C3orf70: variants seen among roughly 807,000 people sequenced by gnomAD.
C3orf70 encodes chromosome 3 open reading frame 70.
C3orf70 carries 15 observed loss-of-function variants against 20.7 expected under a neutral mutation model. That is an observed-to-expected ratio of 0.72 (90% confidence interval 0.48 to 1.11). The LOEUF (loss-of-function observed/expected upper bound fraction) is 1.11. Among genes scored for constraint, C3orf70 ranks in the 50% most tolerant of loss-of-function variants. C3orf70 has a pLI of 0.00. For synonymous variants in C3orf70, 161 were observed against 125.7 expected (o/e 1.28, Z -1.88); for missense variants, 332 against 317.6 (o/e 1.05, Z -0.34).
intron 1 of C3orf70, among the ~76,000 whole-genome samples, chr3:185,123,790 T>C (rs1379835408): frequency 6.6e-6 from 1 of 152,218 alleles, no homozygotes; most frequent in Non-Finnish European, 1.5e-5. Context: ...TATTCTGTCA[T>C]GTTTTTACAT....
chr3:185,135,394 G>A lies in C3orf70; in HGVS notation c.196+17234C>T, dbSNP rs115559583. On this transcript the variant is annotated intron_variant, in intron 1 of 1. Transcript: ENST00000335012. Reference sequence around the variant, plus strand: ...CCAGCATTTTGGGAGGCTGAGGCAGGCAGAAAACCTGAGGCCAGGAGTTCA... The same window carrying A: ...CCAGCATTTTGGGAGGCTGAGGCAGACAGAAAACCTGAGGCCAGGAGTTCA... Among the ~76,000 whole-genome samples the A allele has an allele frequency of 7.2e-3, 1,097 of 152,260 alleles. 19 individuals carry two copies. Among genetic ancestry groups the A allele is most frequent in the African/African-American group, 0.025 (1,052 of 41,532 alleles).
At position 185,152,808 on chromosome 3, in the gene C3orf70, A is replaced by G; in HGVS notation, c.16T>C (p.Ser6Pro). The G allele has an allele frequency of 3.2e-6, 5 of 1,562,706 alleles. No individual in the cohort carries two copies. The highest frequency in any genetic ancestry group is 4.3e-6 in the Non-Finnish European group (5 of 1,152,834). Residue 6 changes from serine to proline, a missense_variant, in exon 1 of 2, where the codon TCG (serine) becomes CCG (proline). Transcript: ENST00000335012. ...TTCCAACCCCGCTCCGACGCCGGCG[A>G]GGCCGCCGCACTCATTTCCTCTCCC... MSAAA[S>P]PASERGWKSE... is the part of the protein sequence containing the mutation.
chr3:185,100,916 C>T (rs1289626994), intron 1 of C3orf70, among the ~76,000 whole-genome samples: 2 of 152,138 alleles, frequency 1.3e-5, no homozygotes, highest in African/African-American at 4.8e-5. Flanking sequence ...CACCTCTACA[C>T]ACATAAACTA....
In C3orf70 at chr3:185,152,810, G is replaced by T. The variant is rs768924649; in HGVS notation, c.14C>A (p.Ala5Asp). 1.9e-5 allele frequency: 29 copies of T among 1,560,472 alleles called. No homozygotes were observed. Among genetic ancestry groups the T allele is most frequent in the South Asian group, 5.8e-5 (5 of 86,244 alleles). Residue 5 changes from alanine to aspartate, a missense_variant, in exon 1 of 2, where the codon GCC becomes GAC. By Grantham distance (126) the Ala-to-Asp change is moderately radical (BLOSUM62 -2). Coordinates refer to ENST00000335012, the MANE Select transcript of C3orf70 (RefSeq NM_001025266.3). MSAA[A>D]SPASERGWKS... is the part of the protein sequence containing the mutation. ...CCAACCCCGCTCCGACGCCGGCGAG[G>T]CCGCCGCACTCATTTCCTCTCCCTC...
intron 1 of C3orf70, among the ~76,000 whole-genome samples, chr3:185,095,345 A>C (rs114958010): frequency 0.011 from 1,661 of 152,316 alleles, 37 homozygotes; most frequent in African/African-American, 0.039. Flanking sequence ...GAACACGATG[A>C]TTCTCGTGTA....
chr3:185,146,890 C>T (rs1716888354), intron 1 of C3orf70, among the ~76,000 whole-genome samples: 1 of 152,218 alleles, frequency 6.6e-6, no homozygotes, highest in South Asian at 2.1e-4. Context: ...AAAGTCCTGA[C>T]AGTTGAACCC....
intron 1 of C3orf70, among the ~76,000 whole-genome samples, chr3:185,127,129 C>T (rs1577330441): frequency 6.6e-6 from 1 of 152,026 alleles, no homozygotes; most frequent in Non-Finnish European, 1.5e-5. Flanking sequence ...CTTTTATATG[C>T]CTGAATATCA....
chr3:185,077,779 T>C lies in C3orf70; in HGVS notation c.*5228A>G, dbSNP rs896774369. Among the ~76,000 whole-genome samples the C allele has an allele frequency of 2.9e-5, 3 of 102,956 alleles. No individual in the cohort carries two copies. The highest frequency in any genetic ancestry group is 1.2e-4 in the African/African-American group (3 of 24,194). The allele number at this position is 102,956 out of a possible 152,430, so 67.5% of individuals were successfully genotyped here. ...TAACTGCGTGTGAAATAAATGCTAT[T>C]TGGTGGTGGTGGGGGGGGGGTATCA... On this transcript the variant is annotated 3_prime_UTR_variant, in exon 2 of 2. Coordinates refer to ENST00000335012, the MANE Select transcript of C3orf70 (RefSeq NM_001025266.3).
chr3:185,147,559 G>A (rs1343207590), intron 1 of C3orf70, among the ~76,000 whole-genome samples: 1 of 152,062 alleles, frequency 6.6e-6, no homozygotes, highest in South Asian at 2.1e-4. Flanking sequence ...GTGTAGAATC[G>A]AACAGAGCTA....
At chr3:185,084,182 CA>C (rs61480469) in intron 1 of C3orf70, among the ~76,000 whole-genome samples, 10 of 112,138 alleles carry the variant, frequency 8.9e-5, no homozygotes, top group Non-Finnish European at 9.4e-5. Context: ...GACCCTGTCT[CA>C]AAAAAAAAAA....
chr3:185,118,331 T>C (rs919047828), intron 1 of C3orf70, among the ~76,000 whole-genome samples: 1 of 152,250 alleles, frequency 6.6e-6, no homozygotes. Flanking sequence ...AAGTCTTAGA[T>C]ACTCTGCTTC....
At chr3:185,091,013 C>T (rs1715558053) in intron 1 of C3orf70, among the ~76,000 whole-genome samples, 1 of 152,066 alleles carries the variant, frequency 6.6e-6, no homozygotes, top group Non-Finnish European at 1.5e-5. Flanking sequence ...ATTTACTCAG[C>T]TAGCAAATCC....
chr3:185,119,860 C>G (rs533036863), intron 1 of C3orf70, among the ~76,000 whole-genome samples: 6 of 151,636 alleles, frequency 4.0e-5, no homozygotes, highest in Admixed American at 6.6e-5. Context: ...CCCATCTCTA[C>G]TAAAAATACA....
chr3:185,116,288 G>A (rs553768743), intron 1 of C3orf70, among the ~76,000 whole-genome samples: 89 of 152,286 alleles, frequency 5.8e-4, no homozygotes, highest in African/African-American at 2.1e-3. Context: ...TTAGATAATG[G>A]CACATGGAAT....
chr3:185,105,216 C>T (rs1029045446), intron 1 of C3orf70, among the ~76,000 whole-genome samples: 6 of 152,184 alleles, frequency 3.9e-5, no homozygotes, highest in African/African-American at 1.2e-4. Context: ...TGGGAGCAGG[C>T]CCCCCAAAAT....
rs1717025104 is a variant in C3orf70, at chr3:185,152,855, G to A, written c.-32C>T. 2.0e-6 allele frequency: 3 copies of A among 1,478,350 alleles called. No homozygotes were observed. Among genetic ancestry groups the A allele is most frequent in the South Asian group, 1.3e-5 (1 of 74,438 alleles). The allele number at this position is 1,478,350 out of a possible 1,614,324, so 91.6% of individuals were successfully genotyped here. A position where few individuals can be genotyped will look rare whatever the true frequency, so the allele number is the denominator to read the frequency against. On this transcript the variant is annotated 5_prime_UTR_variant, in exon 1 of 2. Coordinates refer to ENST00000335012, the MANE Select transcript of C3orf70 (RefSeq NM_001025266.3). The stretch of plus-strand genomic sequence containing the variant: ...TCCCTCCGCGCGGAGCCGACACCGG[G>A]AGCCCGGGAGAAGCGACGTCTGGGT...
At chr3:185,094,075 T>TTG (rs1715649802) in intron 1 of C3orf70, among the ~76,000 whole-genome samples, 1 of 4,812 alleles carries the variant, frequency 2.1e-4, no homozygotes, top group Non-Finnish European at 6.2e-4. Context: ...TACCCTGGGG[T>TTG]TTTTTTTTTT....
At chr3:185,106,021 CTGCACCCCCTCATTA>C (rs1221138883) in intron 1 of C3orf70, among the ~76,000 whole-genome samples, 1 of 152,202 alleles carries the variant, frequency 6.6e-6, no homozygotes, top group African/African-American at 2.4e-5. Flanking sequence ...CCCTATCCTT[CTGCACCCCCTCATTA>C]TTATTTTGAA....
At chr3:185,108,856 T>A (rs530992838) in intron 1 of C3orf70, among the ~76,000 whole-genome samples, 2 of 152,336 alleles carry the variant, frequency 1.3e-5, no homozygotes, top group African/African-American at 4.8e-5. Context: ...GTGGACACCT[T>A]TTCTCACTTT....
Sources: gnomAD v4.1 joint callset for allele counts (sites outside exome capture counted in the v4.1 genomes callset) on GRCh38, gnomAD v4.1.1 for gene constraint, MANE v1.5 for transcripts, NCBI Gene and HGNC (gene_info 2026-07-23, HGNC 2026-07-21) for gene names.